RNF168: variants seen among roughly 807,000 people sequenced by gnomAD.
The protein encoded by RNF168 is E3 ubiquitin-protein ligase RNF168.
A neutral mutation model predicts 34.9 loss-of-function variants in RNF168; 34 were observed. That is an observed-to-expected ratio of 0.97 (90% CI 0.74 to 1.30). RNF168 has a LOEUF of 1.30. Ranked by LOEUF, RNF168 falls within the 50% of genes most tolerant of loss-of-function variation. RNF168 has a pLI of 0.00. For synonymous variants in RNF168, 264 were observed against 254.7 expected (o/e 1.04, Z -0.35); for missense variants, 725 against 682.5 (o/e 1.06, Z -0.69).
At chr3:196,484,523 C>T (rs1326869781) in intron 3 of RNF168, among the ~76,000 whole-genome samples, 3 of 140,478 alleles carry the variant, frequency 2.1e-5, no homozygotes, top group African/African-American at 5.4e-5. Flanking sequence ...ACTCTGTCGC[C>T]GAGGCTGGAG....
chr3:196,491,308 GTC>G (rs1560273796), intron 1 of RNF168, among the ~76,000 whole-genome samples: 1 of 151,512 alleles, frequency 6.6e-6, no homozygotes, highest in Non-Finnish European at 1.5e-5. Flanking sequence ...GGGAGATTCC[GTC>G]TCAAAACAAA....
chr3:196,487,312 C>T, intron 3 of RNF168, 87 bp downstream of exon 3: 1 of 1,144,902 alleles, frequency 8.7e-7, no homozygotes, highest in Non-Finnish European at 1.3e-6. Context: ...CCTGGAAATA[C>T]AAGGAGCTGA....
chr3:196,499,720 C>G (rs1732833493), intron 1 of RNF168, among the ~76,000 whole-genome samples: 2 of 152,034 alleles, frequency 1.3e-5, no homozygotes, highest in Non-Finnish European at 2.9e-5. Flanking sequence ...ACTCAGGAGG[C>G]TGAGGCAGGA....
intron 5 of RNF168, 71 bp from the exon 6 acceptor site, chr3:196,472,843 A>G (rs1301187622): frequency 1.5e-5 from 13 of 840,636 alleles, no homozygotes; most frequent in Admixed American, 1.4e-4. Context: ...GTCTAATTAC[A>G]CTGATACTAC....
intron 4 of RNF168, among the ~76,000 whole-genome samples, chr3:196,478,158 TC>T: frequency 6.6e-6 from 1 of 152,192 alleles, no homozygotes; most frequent in East Asian, 1.9e-4. Context: ...TTTTCTTTTT[TC>T]CTTGAGTCTG....
rs371768338 is a variant in RNF168, at chr3:196,487,398, C to T, written c.558+1G>A. 12 of 1,613,316 alleles carry T rather than the reference C, an allele frequency of 7.4e-6. No individual in the cohort carries two copies. The highest frequency in any genetic ancestry group is 1.3e-5 in the African/African-American group (1 of 74,918). ...CCTTAGCGTTCCCTCCTAAAACTTA[C>T]AATATCAATGCTTAGCTTTCTTGCC... is the stretch of plus-strand genomic sequence containing the variant. On this transcript the variant is annotated splice_donor_variant, in intron 3 of 5. Transcript: ENST00000318037. LOFTEE classifies it high-confidence loss of function.
chr3:196,474,400 G>C (rs1036171323), intron 5 of RNF168, among the ~76,000 whole-genome samples: 5 of 150,906 alleles, frequency 3.3e-5, no homozygotes, highest in African/African-American at 9.8e-5. Context: ...AAAGTGCTAG[G>C]ATTACAGGCC....
At chr3:196,502,195 T>G (rs1441837645) in intron 1 of RNF168, among the ~76,000 whole-genome samples, 4 of 151,906 alleles carry the variant, frequency 2.6e-5, no homozygotes, top group African/African-American at 9.7e-5. Flanking sequence ...TTGGGGCTCC[T>G]GAGTCTACCG....
rs769753944 is a variant in RNF168, at chr3:196,472,156, T to A, written c.1379A>T (p.Glu460Val). The A allele has an allele frequency of 1.2e-6, 2 of 1,614,042 alleles. No homozygotes were observed. Residue 460 changes from glutamate (E) to valine (V), a missense_variant, in exon 6 of 6, where the codon GAG (glutamate) becomes GTG (valine). Glu to Val is a moderately radical substitution (Grantham distance 121). Transcript: ENST00000318037. ...ALQLQKEVDK[E>V]QMVPNRQKGS... ...TTTTTGCCGGTTTGGCACCATTTGC[T>A]CTTTATCCACCTCCTTCTGAAGTTG... is the stretch of plus-strand genomic sequence containing the variant.
intron 3 of RNF168, among the ~76,000 whole-genome samples, chr3:196,485,431 G>A (rs1028852434): frequency 7.2e-5 from 11 of 151,822 alleles, no homozygotes; most frequent in African/African-American, 2.4e-4. Flanking sequence ...CGCTTGAACC[G>A]GGAGTTGAGG....
intron 4 of RNF168, among the ~76,000 whole-genome samples, chr3:196,479,741 C>A (rs1369910886): frequency 6.6e-6 from 1 of 151,858 alleles, no homozygotes; most frequent in Non-Finnish European, 1.5e-5. Flanking sequence ...AGGCGTCCGC[C>A]ACCACGCCTG....
chr3:196,484,900 C>T (rs772099387), intron 3 of RNF168, among the ~76,000 whole-genome samples: 3 of 152,100 alleles, frequency 2.0e-5, no homozygotes, highest in Admixed American at 6.5e-5. Flanking sequence ...AAGTGATTCC[C>T]CCACCACAGC....
At chr3:196,488,189 A>G (rs7611980) in intron 2 of RNF168, among the ~76,000 whole-genome samples, 79,917 of 152,018 alleles carry the variant, frequency 0.53, 22,476 homozygotes, top group Non-Finnish European at 0.63. Context: ...CATTAAAATT[A>G]TCCATATTTT....
At chr3:196,489,517 G>A (rs539349970) in intron 1 of RNF168, among the ~76,000 whole-genome samples, 11 of 151,958 alleles carry the variant, frequency 7.2e-5, no homozygotes, top group African/African-American at 2.4e-4. Flanking sequence ...AATACAGACC[G>A]GTTTTTGCCA....
chr3:196,472,248 CA>C lies in RNF168; in HGVS notation c.1286del (p.Leu429ArgfsTer2), dbSNP rs1158636860. ...EETEINFTQK[L>X]IDLEHLLFER... ...CAAACAGTAGATGCTCCAAATCTAT[CA>C]GTTTTTGGGTAAAGTTTATTTCTGT... On this transcript the variant is annotated frameshift_variant, in exon 6 of 6. Transcript: ENST00000318037. LOFTEE classifies it low-confidence loss of function (END_TRUNC). 6 of 1,613,824 alleles carry C rather than the reference CA, an allele frequency of 3.7e-6. No individual in the cohort carries two copies. Among genetic ancestry groups the C allele is most frequent in the Non-Finnish European group, 5.1e-6 (6 of 1,179,872 alleles).
chr3:196,484,273 G>A (rs1429996661), intron 3 of RNF168, among the ~76,000 whole-genome samples: 1 of 147,174 alleles, frequency 6.8e-6, no homozygotes, highest in Non-Finnish European at 1.5e-5. Flanking sequence ...GCAGGTTCAT[G>A]CCATTCTCCT....
chr3:196,496,406 C>T (rs1218231867), intron 1 of RNF168, among the ~76,000 whole-genome samples: 2 of 152,094 alleles, frequency 1.3e-5, no homozygotes, highest in East Asian at 3.9e-4. Context: ...TCCAGCCTCA[C>T]GTGGTACTCT....
intron 1 of RNF168, among the ~76,000 whole-genome samples, chr3:196,496,724 C>A (rs1210815235): frequency 6.6e-6 from 1 of 152,130 alleles, no homozygotes; most frequent in Non-Finnish European, 1.5e-5. Flanking sequence ...TTTAAATAGG[C>A]TGGGTGTGGC....
At chr3:196,479,960 A>G (rs73072928) in intron 4 of RNF168, among the ~76,000 whole-genome samples, 2,939 of 152,256 alleles carry the variant, frequency 0.019, 111 homozygotes, top group African/African-American at 0.068. Flanking sequence ...AAAGTTTATG[A>G]GAGAACAGTC....
Sources: allele counts gnomAD v4.1 joint callset (sites outside exome capture counted in the v4.1 genomes callset), GRCh38; gene constraint gnomAD v4.1.1; transcripts MANE v1.5; gene names NCBI Gene and HGNC (gene_info 2026-07-23, HGNC 2026-07-21).